ARHGAP20: variants seen among roughly 807,000 people sequenced by gnomAD.
The protein encoded by ARHGAP20 is Rho GTPase activating protein 20.
ARHGAP20 carries 34 observed loss-of-function variants against 73.7 expected under a neutral mutation model. The observed-to-expected ratio is 0.46, with a 90% confidence interval of 0.35 to 0.61. The LOEUF is 0.61. Ranked by LOEUF, ARHGAP20 falls within the 20% of genes least tolerant of loss-of-function variation. The probability of loss-of-function intolerance (pLI) is 0.00; values close to 1 mark genes in which losing one functional copy is unlikely to be tolerated. For missense variants in ARHGAP20, 1,314 were observed against 1,420.9 expected (o/e 0.92, Z 1.21); for synonymous variants, 523 against 518.2 (o/e 1.01, Z -0.13).
intron 9 of ARHGAP20, among the ~76,000 whole-genome samples, chr11:110,594,313 G>C (rs1421717154): frequency 6.6e-6 from 1 of 152,172 alleles, no homozygotes; most frequent in Admixed American, 6.5e-5. Flanking sequence ...TCCCAGTTCA[G>C]AAACTTATTT....
intron 2 of ARHGAP20, among the ~76,000 whole-genome samples, chr11:110,657,655 G>T (rs901461858): frequency 6.6e-6 from 1 of 152,048 alleles, no homozygotes; most frequent in Non-Finnish European, 1.5e-5. Context: ...AGCACTTTGG[G>T]AGGATGAGGT....
At chr11:110,592,951 G>A (rs939924498) in intron 9 of ARHGAP20, among the ~76,000 whole-genome samples, 3 of 152,094 alleles carry the variant, frequency 2.0e-5, no homozygotes, top group Non-Finnish European at 2.9e-5. Flanking sequence ...AGGGTGAGGA[G>A]AAAAGCAAGT....
chr11:110,690,610 T>G lies in ARHGAP20; in HGVS notation c.125A>C (p.Glu42Ala), dbSNP rs375586553. The G allele has an allele frequency of 1.2e-6, 2 of 1,614,086 alleles. No homozygotes were observed. The highest frequency in any genetic ancestry group is 1.7e-6 in the Non-Finnish European group (2 of 1,179,984). The change falls in exon 2 of 15, where the codon GAA becomes GCA. Residue 42 changes from glutamate to alanine, a missense_variant. Coordinates refer to ENST00000683387, the MANE Select transcript of ARHGAP20 (RefSeq NM_001384657.1). ...AAGAGATGGAGCGCTCCTCCTCCTT[T>G]CTGCTAGTGTTTTCATTTTCTGTTG... is the stretch of plus-strand genomic sequence containing the variant. ...CTKKKMKTLA[E>A]RRRSAPSLIL...
intron 9 of ARHGAP20, among the ~76,000 whole-genome samples, chr11:110,600,451 C>T (rs917918702): frequency 8.5e-5 from 13 of 152,242 alleles, no homozygotes; most frequent in Admixed American, 7.8e-4. Context: ...TACGCTGCAG[C>T]AGCTGGTATG....
intron 9 of ARHGAP20, among the ~76,000 whole-genome samples, chr11:110,594,988 C>T (rs1419624523): frequency 2.0e-5 from 3 of 151,302 alleles, no homozygotes; most frequent in African/African-American, 7.3e-5. Context: ...GCTGGTTCAA[C>T]ATACGCAAAT....
chr11:110,589,558 G>A, intron 11 of ARHGAP20: 1 of 985,414 alleles, frequency 1.0e-6, no homozygotes. Flanking sequence ...CCAATCCTTT[G>A]GGAGGTGAGA....
intron 2 of ARHGAP20, among the ~76,000 whole-genome samples, chr11:110,668,941 C>A (rs1949775785): frequency 6.6e-6 from 1 of 152,014 alleles, no homozygotes; most frequent in Non-Finnish European, 1.5e-5. Context: ...TGAACACTGA[C>A]CCTTATTTCA....
intron 4 of ARHGAP20, among the ~76,000 whole-genome samples, chr11:110,618,213 TG>T (rs1247619239): frequency 6.6e-6 from 1 of 152,202 alleles, no homozygotes; most frequent in Non-Finnish European, 1.5e-5. Context: ...GCCCTTTATC[TG>T]TTTTGGAGGC....
intron 9 of ARHGAP20, among the ~76,000 whole-genome samples, chr11:110,598,984 G>C (rs1948043334): frequency 6.6e-6 from 1 of 151,726 alleles, no homozygotes; most frequent in African/African-American, 2.4e-5. Context: ...TGCCCTCCCA[G>C]GAGCTGCACC....
intron 1 of ARHGAP20, among the ~76,000 whole-genome samples, chr11:110,707,514 T>C (rs1279427736): frequency 6.6e-6 from 1 of 152,174 alleles, no homozygotes. Context: ...ATTTGATTTT[T>C]GGAAACAATG....
intron 1 of ARHGAP20, among the ~76,000 whole-genome samples, chr11:110,699,279 T>A (rs952927752): frequency 6.6e-6 from 1 of 151,924 alleles, no homozygotes; most frequent in Non-Finnish European, 1.5e-5. Context: ...ATACTTGATA[T>A]GATTTTGATT....
At position 110,614,623 on chromosome 11, in the gene ARHGAP20, T is replaced by C; in HGVS notation, c.568A>G (p.Lys190Glu). ...LQRYINLEKE[K>E]DYPKSIPLKI... ...AGGGGAATGCTCTTCGGGTAGTCCT[T>C]TTCTTTCTCTAGATTGATGTATCTA... is the stretch of plus-strand genomic sequence containing the variant. The change falls in exon 6 of 15, where the codon AAG (lysine) becomes GAG (glutamate). Residue 190 changes from lysine (K) to glutamate (E), a missense_variant. Lys to Glu is a moderately conservative substitution (Grantham distance 56, BLOSUM62 1). Coordinates refer to ENST00000683387, the MANE Select transcript of ARHGAP20 (RefSeq NM_001384657.1). The C allele has an allele frequency of 6.2e-7, 1 of 1,612,330 alleles. No homozygotes were observed. Among genetic ancestry groups the C allele is most frequent in the Non-Finnish European group, 8.5e-7 (1 of 1,179,202 alleles).
At chr11:110,602,180 T>A (rs1948127148) in intron 9 of ARHGAP20, among the ~76,000 whole-genome samples, 1 of 152,224 alleles carries the variant, frequency 6.6e-6, no homozygotes, top group East Asian at 1.9e-4. Context: ...CTGTTACATC[T>A]TGACTGTTTC....
chr11:110,580,023 T>C lies in ARHGAP20; in HGVS notation c.2923A>G (p.Ile975Val), dbSNP rs1036693363. 1.2e-5 allele frequency: 19 copies of C among 1,614,080 alleles called. No individual in the cohort carries two copies. The highest frequency in any genetic ancestry group is 1.7e-5 in the Admixed American group (1 of 60,012). Residue 975 changes from isoleucine to valine, a missense_variant, in exon 15 of 15, where the codon ATA (isoleucine) becomes GTA (valine). Transcript: ENST00000683387. ...CTCTGAGCCTGAAAAGTGCAATCTA[T>C]TGGAGAGGAAGTCTCAGTGGGTGTA... ...VFTPTETSSP[I>V]DCTFQAQRKR...
rs542787649 is a variant in ARHGAP20, at chr11:110,689,521, ATAAAT to A, written c.188+1021_188+1025del. Among the ~76,000 whole-genome samples the A allele has an allele frequency of 3.5e-3, 529 of 152,302 alleles. 3 individuals are homozygous for A. Among genetic ancestry groups the A allele is most frequent in the African/African-American group, 0.012 (496 of 41,558 alleles). Reference sequence around the variant, plus strand: ...ATTTGAATTTCAAAAAAATTAACGAATAAATTAATGAATAAAATAATAATGACTAT... The same window carrying A: ...ATTTGAATTTCAAAAAAATTAACGAATAATGAATAAAATAATAATGACTAT... On this transcript the variant is annotated intron_variant, in intron 2 of 14. Coordinates refer to ENST00000683387, the MANE Select transcript of ARHGAP20 (RefSeq NM_001384657.1).
intron 2 of ARHGAP20, among the ~76,000 whole-genome samples, chr11:110,686,561 C>T (rs67393095): frequency 2.0e-5 from 3 of 151,954 alleles, no homozygotes; most frequent in African/African-American, 7.2e-5. Flanking sequence ...ATCTTGTATT[C>T]CTTTTTTATA....
At chr11:110,635,180 C>T (rs1258223803) in intron 2 of ARHGAP20, among the ~76,000 whole-genome samples, 1 of 152,098 alleles carries the variant, frequency 6.6e-6, no homozygotes, top group East Asian at 1.9e-4. Flanking sequence ...ATACCCTATC[C>T]TAATAGCTCT....
upstream of ARHGAP20, chr11:110,712,830 C>T (rs1438114607): frequency 1.3e-5 from 2 of 152,556 alleles, no homozygotes; most frequent in Non-Finnish European, 2.9e-5. Flanking sequence ...CGGTGGCGAC[C>T]TCAGCCTGAG....
intron 2 of ARHGAP20, among the ~76,000 whole-genome samples, chr11:110,664,759 AAGAT>A (rs1436355515): frequency 2.0e-5 from 3 of 151,794 alleles, no homozygotes; most frequent in African/African-American, 7.2e-5. Flanking sequence ...AAAAGAAAGA[AAGAT>A]ATTGTTTACA....
Sources: allele counts gnomAD v4.1 joint callset (sites outside exome capture counted in the v4.1 genomes callset), GRCh38; gene constraint gnomAD v4.1.1; transcripts MANE v1.5; gene names NCBI Gene and HGNC (gene_info 2026-07-23, HGNC 2026-07-21).